The following ZNF714 variants were observed in gnomAD, a reference collection of about 807,000 sequenced individuals.
ZNF714 encodes zinc finger protein 714.
Under a neutral mutation model 46.2 loss-of-function variants are expected in ZNF714, and 32 were observed. The observed-to-expected ratio is 0.69, with a 90% CI of 0.52 to 0.93. The LOEUF (loss-of-function observed/expected upper bound fraction) is 0.93. ZNF714 is among the 40% of genes least tolerant of loss of function. The pLI is 0.00. For synonymous variants in ZNF714, 199 were observed against 213.1 expected (o/e 0.93, Z 0.58); for missense variants, 635 against 646.3 (o/e 0.98, Z 0.19).
intron 2 of ZNF714, among the ~76,000 whole-genome samples, chr19:21,095,874 T>C (rs1315865284): frequency 1.3e-5 from 2 of 152,148 alleles, no homozygotes; most frequent in Non-Finnish European, 2.9e-5. Context: ...ATTTGTCAAT[T>C]TTTGCTTTTG....
rs1969702227 is a variant in ZNF714 at position 21,121,423 on chromosome 19, C to T, written c.*3091C>T. 6.6e-6 allele frequency: 1 copy of T among 152,078 alleles called. No homozygotes were observed. The highest frequency in any genetic ancestry group is 6.5e-5 in the Admixed American group (1 of 15,274). 9.4% of individuals were successfully genotyped at this position (152,078 alleles called of 1,614,324 possible). A position where few individuals can be genotyped will look rare whatever the true frequency, so the allele number is the denominator to read the frequency against. The stretch of plus-strand genomic sequence containing the variant: ...TAGAGTTATTTTTATGGTCATAATA[C>T]AAATTATATATGAGTATAAATAAAA... On this transcript the variant is annotated 3_prime_UTR_variant, in exon 5 of 5. Transcript: ENST00000456283.
At position 21,123,941 on chromosome 19, in the gene ZNF714, G is replaced by A. The variant is rs1375052250; in HGVS notation, c.*5609G>A. 6.6e-6 allele frequency: 1 copy of A among 152,166 alleles called. No individual in the cohort carries two copies. The highest frequency in any genetic ancestry group is 1.5e-5 in the Non-Finnish European group (1 of 68,014). 9.4% of individuals were successfully genotyped at this position (152,166 alleles called of 1,614,324 possible). A position where few individuals can be genotyped will look rare whatever the true frequency, so the allele number is the denominator to read the frequency against. On this transcript the variant is annotated 3_prime_UTR_variant, in exon 5 of 5. Transcript: ENST00000456283. ...GAAAAACATTTGGAGATCATGACAAGTTTTGGATTAAAACATTCTGTTATT... is the reference window on the plus strand; with the variant it reads ...GAAAAACATTTGGAGATCATGACAAATTTTGGATTAAAACATTCTGTTATT...
chr19:21,105,280 C>T (rs1969283596), intron 4 of ZNF714, among the ~76,000 whole-genome samples: 1 of 152,004 alleles, frequency 6.6e-6, no homozygotes, highest in Non-Finnish European at 1.5e-5. Flanking sequence ...CTCGGCCTCT[C>T]AAAGTGCTGG....
At chr19:21,100,810 A>G (rs1052939199) in intron 4 of ZNF714, among the ~76,000 whole-genome samples, 1 of 152,078 alleles carries the variant, frequency 6.6e-6, no homozygotes, top group African/African-American at 2.4e-5. Context: ...TCCTGGGTTC[A>G]AATGATTCTC....
chr19:21,095,101 G>C (rs1969005216), intron 2 of ZNF714, among the ~76,000 whole-genome samples: 1 of 152,044 alleles, frequency 6.6e-6, no homozygotes, highest in Non-Finnish European at 1.5e-5. Flanking sequence ...TTGGTATGTT[G>C]TCTGTTTACT....
chr19:21,124,576 A>C lies in ZNF714; in HGVS notation c.*6244A>C, dbSNP rs1210158444. On this transcript the variant is annotated 3_prime_UTR_variant, in exon 5 of 5. Coordinates refer to ENST00000456283, the MANE Select transcript of ZNF714 (RefSeq NM_182515.4). ...GTATATATACATTGTTATTATTTCT[A>C]GGTAATTAATACCTCACATAGTTAA... Among the ~76,000 whole-genome samples, 2 of 152,228 alleles carry C rather than the reference A, an allele frequency of 1.3e-5. No individual in the cohort carries two copies. The highest frequency in any genetic ancestry group is 2.9e-5 in the Non-Finnish European group (2 of 68,046).
At position 21,117,155 on chromosome 19, in the gene ZNF714, A is replaced by G. The variant is rs761186693; in HGVS notation, c.491A>G (p.Lys164Arg). 1.2e-6 allele frequency: 2 copies of G among 1,614,038 alleles called. No individual in the cohort carries two copies. The highest frequency in any genetic ancestry group is 4.5e-5 in the East Asian group (2 of 44,862). ...ATGCTTTTACACCTACATCAACATAAAAGAATTCATATTAGAGAGAATTCT... is the reference window on the plus strand; with the variant it reads ...ATGCTTTTACACCTACATCAACATAGAAGAATTCATATTAGAGAGAATTCT... ...FCMLLHLHQH[K>R]RIHIRENSYQ... Residue 164 changes from lysine to arginine, a missense_variant, in exon 5 of 5, where the codon AAA becomes AGA. By Grantham distance (26) the Lys-to-Arg change is conservative. Coordinates refer to ENST00000456283, the MANE Select transcript of ZNF714 (RefSeq NM_182515.4).
Position 21,117,678 on chromosome 19 carries a change from G to A in ZNF714, c.1014G>A (p.Glu338=), listed in dbSNP as rs562776022. The part of the protein sequence containing the change: ...LTKHKRIHTG[E]KPYKCEECGK... The stretch of plus-strand genomic sequence containing the variant: ...AACATAAAAGAATTCATACTGGAGA[G>A]AAACCCTACAAATGTGAAGAATGTG... Residue 338 remains glutamate, a synonymous_variant, in exon 5 of 5, where the codon GAG becomes GAA. Transcript: ENST00000456283. 4.3e-6 allele frequency: 7 copies of A among 1,613,306 alleles called. No individual in the cohort carries two copies. In the South Asian group the frequency reaches 5.5e-5, roughly 13 times the overall value.
rs2144836594 is a variant in ZNF714, at chr19:21,095,237, C to T, written c.-84-2948C>T. ...GTCCTCTGGAATGTGTCTAGACCTG[C>T]TGGCTCCTTGCTTCTAGCTTTCCTA... On this transcript the variant is annotated intron_variant, in intron 2 of 4. Coordinates refer to ENST00000456283, the MANE Select transcript of ZNF714 (RefSeq NM_182515.4). 1.3e-5 allele frequency among the ~76,000 whole-genome samples: 2 copies of T among 152,282 alleles called. 1 individual carries two copies. Among genetic ancestry groups the T allele is most frequent in the South Asian group, 4.1e-4 (2 of 4,828 alleles).
At chr19:21,113,467 T>G (rs563925533) in intron 4 of ZNF714, among the ~76,000 whole-genome samples, 1 of 151,758 alleles carries the variant, frequency 6.6e-6, no homozygotes, top group South Asian at 2.1e-4. Context: ...TGAGAAGTGT[T>G]TTACTTCCAA....
intron 1 of ZNF714, among the ~76,000 whole-genome samples, 171 bp downstream of exon 1, chr19:21,082,519 C>CGCTGACT (rs58840397): frequency 0.064 from 9,760 of 152,132 alleles, 805 homozygotes; most frequent in African/African-American, 0.2. Flanking sequence ...ATGGCGGCTG[C>CGCTGACT]GCTGACTGCG....
chr19:21,114,308 T>A (rs2082004), intron 4 of ZNF714, among the ~76,000 whole-genome samples: 112,191 of 151,818 alleles, frequency 0.74, 43,190 homozygotes, highest in Middle Eastern at 0.87. Context: ...TGGTGGCGGG[T>A]GCCTGTAGTC....
chr19:21,117,241 A>G lies in ZNF714; in HGVS notation c.577A>G (p.Arg193Gly). Residue 193 changes from arginine to glycine, a missense_variant, in exon 5 of 5, where the codon AGA becomes GGA. Transcript: ENST00000456283. ...GTTCTCAACCCTTACTAGACACAAG[A>G]GAGTTCATACTGGAGAGAAACCCTT... Reference protein sequence around the residue: ...KRFSTLTRHKRVHTGEKPFKC... With the variant: ...KRFSTLTRHKGVHTGEKPFKC... 6.2e-7 allele frequency: 1 copy of G among 1,614,058 alleles called. No individual in the cohort carries two copies. The highest frequency in any genetic ancestry group is 8.5e-7 in the Non-Finnish European group (1 of 1,179,944).
At position 21,120,282 on chromosome 19, in the gene ZNF714, C is replaced by T. The variant is rs1969684338; in HGVS notation, c.*1950C>T. 6.6e-6 allele frequency: 1 copy of T among 152,158 alleles called. No homozygotes were observed. The highest frequency in any genetic ancestry group is 1.5e-5 in the Non-Finnish European group (1 of 68,042). The allele number at this position is 152,158 out of a possible 1,614,324, so 9.4% of individuals were successfully genotyped here. A position where few individuals can be genotyped will look rare whatever the true frequency, so the allele number is the denominator to read the frequency against. On this transcript the variant is annotated 3_prime_UTR_variant, in exon 5 of 5. Transcript: ENST00000456283. ...GTCTCAAACTCCTCACCTTGTGATC[C>T]ACCCACCTTGGCCTCCAAAGGTGCT...
intron 4 of ZNF714, among the ~76,000 whole-genome samples, chr19:21,099,148 A>C (rs1969111585): frequency 1.3e-5 from 2 of 152,068 alleles, no homozygotes; most frequent in African/African-American, 2.4e-5. Flanking sequence ...ATATCTGCAT[A>C]ATTTTGAAAA....
intron 4 of ZNF714, among the ~76,000 whole-genome samples, chr19:21,105,268 G>A (rs543340199): frequency 5.5e-4 from 83 of 152,010 alleles, no homozygotes; most frequent in African/African-American, 1.9e-3. Context: ...TGATTCACCC[G>A]CCTCGGCCTC....
At chr19:21,086,298 G>C (rs1968777725) in intron 2 of ZNF714, among the ~76,000 whole-genome samples, 1 of 152,088 alleles carries the variant, frequency 6.6e-6, no homozygotes. Context: ...TTTCGCTCAA[G>C]AAAATATTCA....
At chr19:21,114,202 G>T (rs1245761056) in intron 4 of ZNF714, among the ~76,000 whole-genome samples, 1 of 152,008 alleles carries the variant, frequency 6.6e-6, no homozygotes, top group African/African-American at 2.4e-5. Flanking sequence ...ACTTTGGGAG[G>T]CCAAGGTGGA....
Position 21,116,958 on chromosome 19 carries a change from C to T in ZNF714, c.294C>T (p.Tyr98=). The T allele has an allele frequency of 6.2e-7, 1 of 1,609,634 alleles. No homozygotes were observed. The highest frequency in any genetic ancestry group is 8.5e-7 in the Non-Finnish European group (1 of 1,179,352). Residue 98 remains tyrosine (Y), a synonymous_variant, in exon 5 of 5, where the codon TAC becomes TAT. Coordinates refer to ENST00000456283, the MANE Select transcript of ZNF714 (RefSeq NM_182515.4). ...CAAATGTGGTTGAGTGTAAGGTGTA[C>T]AAAAAAGGTTATAATGAACTAAACC... is the stretch of plus-strand genomic sequence containing the variant. ...GSANVVECKV[Y]KKGYNELNQC... is the part of the protein sequence containing the mutation.
Sources: gnomAD v4.1 joint callset for allele counts (sites outside exome capture counted in the v4.1 genomes callset) on GRCh38, gnomAD v4.1.1 for gene constraint, MANE v1.5 for transcripts, NCBI Gene and HGNC (gene_info 2026-07-23, HGNC 2026-07-21) for gene names.